The following CSMD1 variants were observed in gnomAD, a reference collection of about 807,000 sequenced individuals.
CSMD1 encodes the protein CUB and Sushi multiple domains 1, also known as CUB and sushi domain-containing protein 1.
A neutral mutation model predicts 417.5 loss-of-function variants in CSMD1; 213 were observed. That is an observed-to-expected ratio of 0.51 (90% confidence interval 0.46 to 0.57). The LOEUF is 0.57. CSMD1 is among the 20% of genes least tolerant of loss of function. The probability of loss-of-function intolerance (pLI) is 0.00; values close to 1 mark genes in which losing one functional copy is unlikely to be tolerated. For synonymous variants in CSMD1, 2,862 were observed against 1,736.8 expected, an observed-to-expected ratio of 1.65 and a Z score of -16.11; for missense variants, 6,923 against 4,529.7, an observed-to-expected ratio of 1.53 and a Z score of -15.17.
chr8:3,288,042 C>G (rs1199385488), intron 25 of CSMD1, among the ~76,000 whole-genome samples: 1 of 147,394 alleles, frequency 6.8e-6, no homozygotes, highest in Non-Finnish European at 1.5e-5. Context: ...AAGGCCTTTT[C>G]TGCATCTATT....
intron 5 of CSMD1, among the ~76,000 whole-genome samples, chr8:3,810,593 C>G (rs1383943): frequency 0.019 from 2,823 of 152,246 alleles, 72 homozygotes; most frequent in African/African-American, 0.046. Flanking sequence ...GCTTCTCCGA[C>G]AGTTCTCCCT....
rs1228878540 is a variant in CSMD1 at position 3,670,504 on chromosome 8, ATATATATATATATCC to A, written c.1009+37895_1009+37909del. 7.7e-5 allele frequency among the ~76,000 whole-genome samples: 8 copies of A among 103,326 alleles called. No individual in the cohort carries two copies. In the East Asian group the frequency reaches 2.4e-3, roughly 30 times the overall value. The allele number at this position is 103,326 out of a possible 152,430, so 67.8% of individuals were successfully genotyped here. On this transcript the variant is annotated intron_variant, in intron 7 of 69. Coordinates refer to ENST00000635120, the MANE Select transcript of CSMD1 (RefSeq NM_033225.6). ...TATATATCCCGTATATATATCCCAT[ATATATATATATATCC>A]TATATACATATATCCCATATACATA...
chr8:3,218,700 A>T (rs7007108), intron 29 of CSMD1, among the ~76,000 whole-genome samples: 42,894 of 151,294 alleles, frequency 0.28, 6,284 homozygotes, highest in African/African-American at 0.32. Context: ...GATGAAACCC[A>T]GTCTCTACTA....
intron 2 of CSMD1, among the ~76,000 whole-genome samples, chr8:4,487,175 T>C (rs984496145): frequency 6.6e-6 from 1 of 152,090 alleles, no homozygotes; most frequent in Non-Finnish European, 1.5e-5. Context: ...CTTTCTTTTT[T>C]ATTATTATTA....
In CSMD1 at chr8:3,118,459, C is replaced by A. The variant is rs1033642517; in HGVS notation, c.6370G>T (p.Val2124Phe). Residue 2124 changes from valine (V) to phenylalanine (F), a missense_variant, in exon 42 of 70, where the codon GTC (valine) becomes TTC (phenylalanine). Physicochemically the swap from Val to Phe is conservative, Grantham distance 50. Transcript: ENST00000635120. ...TTGATCCCATGCTGACAAGTGAGGA[C>A]AGGATGGCCTATTAGAATGTACCCA... The part of the protein sequence containing the change: ...YPGYILIGHP[V>F]LTCQHGINRN... The A allele has an allele frequency of 7.4e-6, 12 of 1,613,744 alleles. No individual in the cohort carries two copies. Among genetic ancestry groups the A allele is most frequent in the Non-Finnish European group, 1.0e-5 (12 of 1,179,848 alleles).
intron 3 of CSMD1, among the ~76,000 whole-genome samples, chr8:4,228,981 T>C (rs768095618): frequency 2.6e-5 from 4 of 152,136 alleles, no homozygotes; most frequent in African/African-American, 4.8e-5. Context: ...CCCCTGATTT[T>C]AAAGCGCGAA....
At chr8:4,309,417 A>C (rs1798436442) in intron 3 of CSMD1, among the ~76,000 whole-genome samples, 1 of 152,096 alleles carries the variant, frequency 6.6e-6, no homozygotes, top group African/African-American at 2.4e-5. Context: ...AATTTGAAAG[A>C]AATTAAATTC....
rs747937580 is a variant in CSMD1, at chr8:3,214,567, G to C, written c.4797C>G (p.Pro1599=). 6 of 1,588,784 alleles carry C rather than the reference G, an allele frequency of 3.8e-6. No homozygotes were observed. The South Asian group carries it at 4.6e-5, about 12-fold the overall frequency. ...CCCCAATCACACAGGTGATGGATGA[G>C]GGGTCAAGAATCTTATAGCCAGAGT... ...QCDSGYKILD[P]SSITCVIGAD... is the part of the protein sequence containing the mutation. The change falls in exon 30 of 70, where the codon CCC becomes CCG. Residue 1599 remains proline, a synonymous_variant. Coordinates refer to ENST00000635120, the MANE Select transcript of CSMD1 (RefSeq NM_033225.6).
chr8:4,531,490 A>C (rs2130459203), intron 2 of CSMD1, among the ~76,000 whole-genome samples: 1 of 152,212 alleles, frequency 6.6e-6, no homozygotes, highest in East Asian at 1.9e-4. Flanking sequence ...TCATCCCTAT[A>C]ATAAGTATAA....
At chr8:4,584,333 C>T (rs577574897) in intron 2 of CSMD1, among the ~76,000 whole-genome samples, 1 of 152,102 alleles carries the variant, frequency 6.6e-6, no homozygotes, top group South Asian at 2.1e-4. Flanking sequence ...AGTAGTGAGA[C>T]AATCGCCAAT....
At chr8:4,343,194 T>C (rs1800579564) in intron 3 of CSMD1, among the ~76,000 whole-genome samples, 2 of 152,094 alleles carry the variant, frequency 1.3e-5, no homozygotes, top group Non-Finnish European at 2.9e-5. Context: ...TCAGCTTGCT[T>C]TGTTAGAGCA....
chr8:4,664,565 A>G (rs1215701847), intron 1 of CSMD1, among the ~76,000 whole-genome samples: 1 of 152,220 alleles, frequency 6.6e-6, no homozygotes, highest in East Asian at 1.9e-4. Flanking sequence ...TGTCTTGAAA[A>G]TAAAGAAATA....
rs559405060 is a variant in CSMD1 at position 3,642,889 on chromosome 8, AC to A, written c.1010-26093del. On this transcript the variant is annotated intron_variant, in intron 7 of 69. Coordinates refer to ENST00000635120, the MANE Select transcript of CSMD1 (RefSeq NM_033225.6). Reference sequence around the variant, plus strand: ...TTATACATATATATAGATTATACATACACACACATATATATATAATGTAACT... The same window carrying A: ...TTATACATATATATAGATTATACATAACACACATATATATATAATGTAACT... Among the ~76,000 whole-genome samples the A allele has an allele frequency of 3.3e-3, 500 of 152,082 alleles. 2 individuals are homozygous for A. Among genetic ancestry groups the A allele is most frequent in the South Asian group, 6.2e-3 (30 of 4,824 alleles).
chr8:4,896,922 C>G (rs1355621802), intron 1 of CSMD1, among the ~76,000 whole-genome samples: 1 of 152,070 alleles, frequency 6.6e-6, no homozygotes, highest in African/African-American at 2.4e-5. Context: ...TTCTTCCTAC[C>G]CGCCTGTCTC....
chr8:3,146,582 A>G (rs762091660), intron 40 of CSMD1, among the ~76,000 whole-genome samples: 43 of 152,176 alleles, frequency 2.8e-4, no homozygotes, highest in Non-Finnish European at 5.9e-4. Flanking sequence ...TCAGAGCCTA[A>G]AATTGTGAGC....
At chr8:3,517,944 C>G (rs1307714337) in intron 10 of CSMD1, among the ~76,000 whole-genome samples, 1 of 152,068 alleles carries the variant, frequency 6.6e-6, no homozygotes, top group East Asian at 1.9e-4. Context: ...TTCAACAAGT[C>G]AAATCTTCAT....
At chr8:3,970,526 G>C (rs749141393) in intron 5 of CSMD1, among the ~76,000 whole-genome samples, 3 of 152,080 alleles carry the variant, frequency 2.0e-5, no homozygotes, top group African/African-American at 7.2e-5. Flanking sequence ...CCAGGAGGAC[G>C]ATTAAGGACC....
intron 5 of CSMD1, among the ~76,000 whole-genome samples, chr8:3,781,748 C>G (rs1799198305): frequency 6.6e-6 from 1 of 152,152 alleles, no homozygotes; most frequent in Admixed American, 6.5e-5. Context: ...CCCTGACAAT[C>G]TGATAGAGAC....
chr8:3,034,609 T>C (rs11775431), intron 50 of CSMD1, among the ~76,000 whole-genome samples: 34,904 of 152,014 alleles, frequency 0.23, 4,538 homozygotes, highest in Non-Finnish European at 0.3. Flanking sequence ...CTACTACACA[T>C]AAATGCAAAA....
Sources: allele counts gnomAD v4.1 joint callset (sites outside exome capture counted in the v4.1 genomes callset), GRCh38; gene constraint gnomAD v4.1.1; transcripts MANE v1.5; gene names NCBI Gene and HGNC (gene_info 2026-07-23, HGNC 2026-07-21).